The following RASAL2 variants were observed in gnomAD, a reference collection of about 807,000 sequenced individuals.
The protein encoded by RASAL2 is RAS protein activator like 2.
A neutral mutation model predicts 128.9 loss-of-function variants in RASAL2; 58 were observed. That is an observed-to-expected ratio of 0.45 (90% CI 0.36 to 0.56). The LOEUF (loss-of-function observed/expected upper bound fraction) is 0.56. Ranked by LOEUF, RASAL2 falls within the 20% of genes least tolerant of loss-of-function variation. RASAL2 has a pLI of 0.00. For synonymous variants in RASAL2, 561 were observed against 580.8 expected, an observed-to-expected ratio of 0.97 and a Z score of 0.49; for missense variants, 1,360 against 1,601.6, an observed-to-expected ratio of 0.85 and a Z score of 2.57.
At chr1:178,166,048 C>T (rs571090606) in intron 1 of RASAL2, among the ~76,000 whole-genome samples, 2 of 152,232 alleles carry the variant, frequency 1.3e-5, no homozygotes, top group East Asian at 3.9e-4. Flanking sequence ...TCAGCAAACC[C>T]AGTTTCCCTG....
rs1675665168 is a variant in RASAL2, at chr1:178,428,413, A to AT, written c.674+7799dup. Among the ~76,000 whole-genome samples the AT allele has an allele frequency of 3.4e-5, 5 of 145,730 alleles. No individual in the cohort carries two copies. In the Admixed American group the frequency reaches 3.5e-4, roughly 10 times the overall value. On this transcript the variant is annotated intron_variant, in intron 5 of 17. Coordinates refer to ENST00000367649, the MANE Select transcript of RASAL2 (RefSeq NM_170692.4). The stretch of plus-strand genomic sequence containing the variant: ...CCTGATAAGCAATGTTTGCAGAGGA[A>AT]TTTTTTATGTCCCAAGAGATTTTCA...
At chr1:178,141,308 T>A (rs537435171) in intron 1 of RASAL2, among the ~76,000 whole-genome samples, 71 of 146,742 alleles carry the variant, frequency 4.8e-4, no homozygotes, top group Admixed American at 2.6e-3. Flanking sequence ...CTCGAATGCC[T>A]GGGGTTTATA....
chr1:178,359,608 G>C (rs1438145588), intron 3 of RASAL2, among the ~76,000 whole-genome samples: 1 of 152,140 alleles, frequency 6.6e-6, no homozygotes, highest in African/African-American at 2.4e-5. Context: ...ACTATGTGCA[G>C]AAAAACTTGG....
At chr1:178,110,527 AT>A (rs1203547907) in intron 1 of RASAL2, among the ~76,000 whole-genome samples, 1 of 147,590 alleles carries the variant, frequency 6.8e-6, no homozygotes, top group Non-Finnish European at 1.5e-5. Context: ...GTGTATATAT[AT>A]GCTATATATA....
intron 1 of RASAL2, among the ~76,000 whole-genome samples, chr1:178,260,052 GT>G (rs1214260831): frequency 6.6e-6 from 1 of 151,672 alleles, no homozygotes; most frequent in African/African-American, 2.4e-5. Context: ...TGTAAATTTT[GT>G]TTTAAAAATA....
In RASAL2 at chr1:178,099,959, C is replaced by CA. The variant is rs927257362; in HGVS notation, c.202+5275dup. Among the ~76,000 whole-genome samples the CA allele has an allele frequency of 6.4e-3, 914 of 142,736 alleles. 4 individuals are homozygous for CA. The highest frequency in any genetic ancestry group is 0.02 in the African/African-American group (782 of 38,844). The allele number at this position is 142,736 out of a possible 152,430, so 93.6% of individuals were successfully genotyped here. On this transcript the variant is annotated intron_variant, in intron 1 of 17. Transcript: ENST00000367649. ...CCTGGGTGACAGAGTGAGACTATCT[C>CA]AAAAAAAAAACAAAATCATACCAAG... is the stretch of plus-strand genomic sequence containing the variant.
chr1:178,474,188 A>G lies in RASAL2; in HGVS notation c.*949A>G, dbSNP rs898480381. 5 of 152,548 alleles carry G rather than the reference A, an allele frequency of 3.3e-5. No homozygotes were observed. Among genetic ancestry groups the G allele is most frequent in the Non-Finnish European group, 7.4e-5 (5 of 68,014 alleles). 9.4% of individuals were successfully genotyped at this position (152,548 alleles called of 1,614,324 possible). On this transcript the variant is annotated 3_prime_UTR_variant, in exon 18 of 18. Transcript: ENST00000367649. ...GGAGAGGTTATTTAAATAGCTGTCC[A>G]TAAGCCATCCAGATCAACACCCTTT...
At chr1:178,110,808 G>A (rs184311939) in intron 1 of RASAL2, among the ~76,000 whole-genome samples, 30 of 151,162 alleles carry the variant, frequency 2.0e-4, no homozygotes, top group African/African-American at 7.0e-4. Context: ...GGCTGATCTC[G>A]AACTCCTGAG....
At chr1:178,264,206 C>G (rs1665831805) in intron 1 of RASAL2, among the ~76,000 whole-genome samples, 1 of 152,154 alleles carries the variant, frequency 6.6e-6, no homozygotes, top group East Asian at 1.9e-4. Flanking sequence ...TGAAAATGAT[C>G]ATTCACTTTC....
intron 3 of RASAL2, among the ~76,000 whole-genome samples, chr1:178,388,807 G>A (rs1672731153): frequency 6.6e-6 from 1 of 152,196 alleles, no homozygotes; most frequent in Admixed American, 6.5e-5. Flanking sequence ...TTTTCTTGCT[G>A]CAGATTAGTG....
At chr1:178,212,524 C>T (rs1421595436) in intron 1 of RASAL2, among the ~76,000 whole-genome samples, 1 of 152,136 alleles carries the variant, frequency 6.6e-6, no homozygotes, top group African/African-American at 2.4e-5. Context: ...CGGAGTCTCA[C>T]TCTGTCGCTC....
intron 5 of RASAL2, among the ~76,000 whole-genome samples, chr1:178,422,939 A>G (rs966123881): frequency 3.6e-4 from 55 of 152,090 alleles, no homozygotes; most frequent in African/African-American, 1.1e-3. Context: ...GACCCTCTTT[A>G]TCTTTCCTAT....
At chr1:178,135,439 A>G (rs184053667) in intron 1 of RASAL2, among the ~76,000 whole-genome samples, 2 of 150,312 alleles carry the variant, frequency 1.3e-5, no homozygotes, top group African/African-American at 4.9e-5. Context: ...ATTTGGCCTA[A>G]ATATTATCCC....
chr1:178,103,221 A>G (rs916821243), intron 1 of RASAL2, among the ~76,000 whole-genome samples: 2 of 150,930 alleles, frequency 1.3e-5, no homozygotes, highest in African/African-American at 2.4e-5. Flanking sequence ...TCTCAGATAT[A>G]TTTTCCTTTC....
At chr1:178,176,214 A>T (rs964065999) in intron 1 of RASAL2, among the ~76,000 whole-genome samples, 43 of 144,854 alleles carry the variant, frequency 3.0e-4, no homozygotes, top group African/African-American at 1.1e-3. Context: ...CATCCATGCC[A>T]ACATCTGTTG....
At chr1:178,142,406 A>T (rs1377147715) in intron 1 of RASAL2, among the ~76,000 whole-genome samples, 1 of 152,004 alleles carries the variant, frequency 6.6e-6, no homozygotes, top group Non-Finnish European at 1.5e-5. Flanking sequence ...TGTTTTAAGA[A>T]CTTGTTGATA....
intron 1 of RASAL2, among the ~76,000 whole-genome samples, chr1:178,190,695 C>G (rs745950843): frequency 4.0e-5 from 6 of 150,764 alleles, no homozygotes; most frequent in Non-Finnish European, 8.8e-5. Context: ...TTCTCATATG[C>G]GTGATCTTAT....
chr1:178,320,662 G>GC (rs1668722918), intron 3 of RASAL2, among the ~76,000 whole-genome samples: 1 of 152,158 alleles, frequency 6.6e-6, no homozygotes, highest in African/African-American at 2.4e-5. Context: ...CGCACACGGT[G>GC]CGCGCACCCA....
At chr1:178,365,219 G>A (rs186067051) in intron 3 of RASAL2, among the ~76,000 whole-genome samples, 9 of 152,038 alleles carry the variant, frequency 5.9e-5, no homozygotes, top group Non-Finnish European at 1.2e-4. Flanking sequence ...CCTAAATCTA[G>A]ATAAATGAAA....
Sources: allele counts gnomAD v4.1 joint callset (sites outside exome capture counted in the v4.1 genomes callset), GRCh38; gene constraint gnomAD v4.1.1; transcripts MANE v1.5; gene names NCBI Gene and HGNC (gene_info 2026-07-23, HGNC 2026-07-21).